THOC2: variants seen among roughly 807,000 people sequenced by gnomAD.
THOC2 encodes the protein THO complex subunit 2.
A neutral mutation model predicts 128.4 loss-of-function variants in THOC2; 10 were observed. The ratio of observed to expected loss-of-function variants is 0.08; its 90% CI spans 0.05 to 0.13. The LOEUF (loss-of-function observed/expected upper bound fraction) is 0.13, where lower values mean the gene tolerates loss of function less well. Ranked by LOEUF, THOC2 falls within the 10% of genes least tolerant of loss-of-function variation. THOC2 has a pLI of 1.00. For missense variants in THOC2, 535 were observed against 1,155.7 expected (o/e 0.46, Z 7.79); for synonymous variants, 393 against 396.9 (o/e 0.99, Z 0.12).
intron 1 of THOC2, among the ~76,000 whole-genome samples, chrX:123,725,614 C>G (rs1215319477): frequency 2.5e-5 from 1 of 40,655 alleles, no homozygotes; most frequent in East Asian, 1.6e-3. Context: ...GAGACCCTAT[C>G]TCAAAAAAAA....
At chrX:123,689,950 A>C (rs898729938) in intron 7 of THOC2, among the ~76,000 whole-genome samples, 14 of 110,516 alleles carry the variant, frequency 1.3e-4, no homozygotes, top group Non-Finnish European at 2.5e-4. Flanking sequence ...CCCTACCTCT[A>C]CCACCAGCTA....
chrX:123,611,807 G>A (rs1339688020), intron 36 of THOC2, among the ~76,000 whole-genome samples: 1 of 105,287 alleles, frequency 9.5e-6, no homozygotes, highest in Non-Finnish European at 1.9e-5. Flanking sequence ...AGTACATAAA[G>A]AACTCTTACA....
In THOC2 at chrX:123,631,755, T is replaced by C. The variant is rs769718049; in HGVS notation, c.2414A>G (p.Asn805Ser). 5.0e-6 allele frequency: 6 copies of C among 1,209,217 alleles called. No individual in the cohort carries two copies. The highest frequency in any genetic ancestry group is 6.7e-6 in the Non-Finnish European group (6 of 893,250). ...KRVPSIDVLC[N>S]EFHTPHDAAF... ...TGCATCATGGGGTGTATGAAATTCA[T>C]TACAGAGTACATCAATTGAAGGCAC... Residue 805 changes from asparagine to serine, a missense_variant, in exon 22 of 39, where the codon AAT becomes AGT. Physicochemically the swap from Asn to Ser is conservative, Grantham distance 46. This residue lies in a region of THOC2 where 90 missense variants were observed against 298.6 expected (regional missense o/e 0.30). Transcript: ENST00000245838.
chrX:123,724,610 A>C (rs1054397057), intron 1 of THOC2, among the ~76,000 whole-genome samples: 1 of 111,665 alleles, frequency 9.0e-6, no homozygotes, highest in Non-Finnish European at 1.9e-5. Context: ...GCATGAACCC[A>C]GGAGGCAGAG....
chrX:123,647,453 T>C (rs1396489007), intron 12 of THOC2, among the ~76,000 whole-genome samples: 1 of 111,128 alleles, frequency 9.0e-6, no homozygotes, highest in Non-Finnish European at 1.9e-5. Context: ...ATGCATTCAT[T>C]CATTCATTCA....
intron 4 of THOC2, among the ~76,000 whole-genome samples, chrX:123,700,868 T>A (rs2050675037): frequency 9.0e-6 from 1 of 111,351 alleles, no homozygotes; most frequent in Non-Finnish European, 1.9e-5. Context: ...CTTAAATTGT[T>A]ATCATTATTA....
intron 12 of THOC2, among the ~76,000 whole-genome samples, chrX:123,653,397 T>C (rs1295027930): frequency 8.9e-6 from 1 of 111,797 alleles, no homozygotes; most frequent in Non-Finnish European, 1.9e-5. Context: ...CCAAAAGCAA[T>C]GGCAACAAAA....
chrX:123,653,509 A>C (rs963262433), intron 12 of THOC2, among the ~76,000 whole-genome samples: 11 of 111,619 alleles, frequency 9.9e-5, no homozygotes, highest in African/African-American at 3.6e-4. Context: ...AAATTTTTGT[A>C]ATCTATCCAT....
intron 12 of THOC2, among the ~76,000 whole-genome samples, chrX:123,662,614 A>G (rs2048884376): frequency 9.2e-6 from 1 of 108,558 alleles, no homozygotes; most frequent in African/African-American, 3.3e-5. Context: ...AAAAAATACT[A>G]CTAAATCAGA....
At chrX:123,664,223 T>C (rs2048962566) in intron 12 of THOC2, among the ~76,000 whole-genome samples, 1 of 112,252 alleles carries the variant, frequency 8.9e-6, no homozygotes, top group African/African-American at 3.2e-5. Context: ...GATTAAAGAC[T>C]TAAATGTTAG....
At chrX:123,681,943 C>A (rs1307964914) in intron 8 of THOC2, among the ~76,000 whole-genome samples, 1 of 111,723 alleles carries the variant, frequency 9.0e-6, no homozygotes, top group Non-Finnish European at 1.9e-5. Flanking sequence ...CCTGTAATCC[C>A]AGCTACTCAG....
chrX:123,629,206 AACACACACAC>A (rs754562050), intron 22 of THOC2, among the ~76,000 whole-genome samples: 52 of 81,954 alleles, frequency 6.3e-4, no homozygotes, highest in African/African-American at 9.0e-4. Context: ...ATTATACATG[AACACACACAC>A]ACACACACAC....
intron 8 of THOC2, among the ~76,000 whole-genome samples, chrX:123,675,233 T>G (rs1294700578): frequency 1.8e-5 from 2 of 111,805 alleles, no homozygotes; most frequent in African/African-American, 6.5e-5. Context: ...CCAGAATTTG[T>G]TTGGTTCCTT....
At chrX:123,689,001 T>C (rs1196797042) in intron 7 of THOC2, among the ~76,000 whole-genome samples, 1 of 112,207 alleles carries the variant, frequency 8.9e-6, no homozygotes, top group Non-Finnish European at 1.9e-5. Context: ...TTTGGCAAAC[T>C]GGCTGGCTTA....
At chrX:123,726,880 A>G (rs915319801) in intron 1 of THOC2, among the ~76,000 whole-genome samples, 2 of 111,833 alleles carry the variant, frequency 1.8e-5, no homozygotes. Flanking sequence ...TGCATAATAG[A>G]TACTTACATT....
intron 36 of THOC2, 45 bp from the exon 37 acceptor site, chrX:123,611,561 TA>T: frequency 1.1e-6 from 1 of 907,283 alleles, no homozygotes. Flanking sequence ...AAGCCAAATA[TA>T]AAAGCCAGCT....
intron 12 of THOC2, among the ~76,000 whole-genome samples, chrX:123,663,903 G>A (rs950020461): frequency 1.8e-5 from 2 of 111,215 alleles, no homozygotes; most frequent in Admixed American, 9.6e-5. Context: ...TTTGCTGAGA[G>A]TGATGGTTTC....
intron 12 of THOC2, among the ~76,000 whole-genome samples, chrX:123,661,737 T>G (rs763029405): frequency 2.1e-4 from 24 of 112,049 alleles, no homozygotes; most frequent in African/African-American, 7.4e-4. Flanking sequence ...AATTAACTAC[T>G]TAACAGATTT....
intron 19 of THOC2, 36 bp from the exon 20 acceptor site, chrX:123,634,106 G>C: frequency 2.5e-6 from 2 of 810,470 alleles, no homozygotes; most frequent in Admixed American, 2.7e-5. Flanking sequence ...TCTATAGTTA[G>C]AACTTCAAAT....
Sources: allele counts gnomAD v4.1 joint callset (sites outside exome capture counted in the v4.1 genomes callset), GRCh38; gene constraint gnomAD v4.1.1; regional missense constraint gnomAD v4.1.1; transcripts MANE v1.5; gene names NCBI Gene and HGNC (gene_info 2026-07-23, HGNC 2026-07-21).